Variants in ZDHHC11B observed in about 807,000 individuals in gnomAD.
The protein encoded by ZDHHC11B is zDHHC palmitoyltransferase 11B (putative).
ZDHHC11B carries 17 observed loss-of-function variants against 42.3 expected under a neutral mutation model. That is an observed-to-expected ratio of 0.40 (90% CI 0.27 to 0.60). The LOEUF (loss-of-function observed/expected upper bound fraction) is 0.60. ZDHHC11B is among the 20% of genes least tolerant of loss of function. The pLI is 0.41. For missense variants in ZDHHC11B, 262 were observed against 463.2 expected, an observed-to-expected ratio of 0.57 and a Z score of 3.99; for synonymous variants, 123 against 193.5, an observed-to-expected ratio of 0.64 and a Z score of 3.02.
intron 12 of ZDHHC11B, among the ~76,000 whole-genome samples, chr5:729,104 G>A (rs971815890): frequency 1.3e-5 from 2 of 151,420 alleles, no homozygotes; most frequent in African/African-American, 4.9e-5. Context: ...GGGGGAGACC[G>A]GGAGGCATGC....
chr5:774,557 CCTGTAACTACGGCCTGGGGT>C (rs1736311117), intron 1 of ZDHHC11B, among the ~76,000 whole-genome samples: 1 of 152,194 alleles, frequency 6.6e-6, no homozygotes, highest in Non-Finnish European at 1.5e-5. Context: ...GAGCCTGGAG[CCTGTAACTACGGCCTGGGGT>C]CTGTCACTAG....
At chr5:761,734 C>G (rs1267525869) in intron 4 of ZDHHC11B, among the ~76,000 whole-genome samples, 2 of 151,872 alleles carry the variant, frequency 1.3e-5, no homozygotes, top group Non-Finnish European at 2.9e-5. Context: ...CACTCAGGGC[C>G]TCTCAGAAAA....
intron 11 of ZDHHC11B, chr5:732,518 G>A (rs1475393942): frequency 2.7e-6 from 1 of 370,066 alleles, no homozygotes; most frequent in South Asian, 2.1e-5. Context: ...TTTCCACTGA[G>A]TGTCTCCAAA....
At chr5:728,397 A>G (rs1320986432) in intron 12 of ZDHHC11B, among the ~76,000 whole-genome samples, 13 of 151,890 alleles carry the variant, frequency 8.6e-5, no homozygotes, top group East Asian at 1.9e-4. Flanking sequence ...TATTGTCAGT[A>G]TCTGACAACC....
At chr5:717,541 A>T (rs1179139232) in intron 12 of ZDHHC11B, among the ~76,000 whole-genome samples, 2 of 151,788 alleles carry the variant, frequency 1.3e-5, no homozygotes, top group African/African-American at 4.9e-5. Flanking sequence ...GTCACTAGGG[A>T]CTTCTAAATC....
In ZDHHC11B at chr5:770,643, T is replaced by C. The variant is rs572317989; in HGVS notation, c.-229-1713A>G. On this transcript the variant is annotated intron_variant, in intron 1 of 13. Transcript: ENST00000508859. ...CGTGCGACAGCCGCTCCCTCCCCAC[T>C]GCAGAGCCTCTGACCTTAGATGGAG... is the stretch of plus-strand genomic sequence containing the variant. Among the ~76,000 whole-genome samples the C allele has an allele frequency of 4.6e-5, 7 of 152,144 alleles. 1 individual carries two copies. In the East Asian group the frequency reaches 1.2e-3, roughly 25 times the overall value.
intron 11 of ZDHHC11B, chr5:732,145 C>T (rs1743064845): frequency 6.4e-6 from 1 of 157,382 alleles, no homozygotes; most frequent in African/African-American, 2.4e-5. Flanking sequence ...AGGGCTGTGC[C>T]ACGGACTTGG....
In ZDHHC11B at chr5:778,486, C is replaced by A. The variant is rs555593780; in HGVS notation, c.-230+6182G>T. Among the ~76,000 whole-genome samples, 12 of 150,918 alleles carry A rather than the reference C, an allele frequency of 8.0e-5. No homozygotes were observed. In the East Asian group the frequency reaches 2.4e-3, roughly 30 times the overall value. ...AGCAGGTTACAGAACACTGCAGAAC[C>A]AGGGGCTGGTCCCTCATCCAGCGCA... On this transcript the variant is annotated intron_variant, in intron 1 of 13. Transcript: ENST00000508859.
chr5:756,879 C>CCCAGACTCATTCAGGGACT (rs1305856511), intron 4 of ZDHHC11B, among the ~76,000 whole-genome samples: 7 of 151,584 alleles, frequency 4.6e-5, no homozygotes, highest in African/African-American at 1.7e-4. Context: ...ATTCAGGGAC[C>CCCAGACTCATTCAGGGACT]CCAGACTCAT....
Position 749,418 on chromosome 5 carries a change from A to G in ZDHHC11B, c.629-859T>C, listed in dbSNP as rs1447267655. Among the ~76,000 whole-genome samples, 3 of 130,088 alleles carry G rather than the reference A, an allele frequency of 2.3e-5. 1 individual carries two copies. Among genetic ancestry groups the G allele is most frequent in the Non-Finnish European group, 5.1e-5 (3 of 58,448 alleles). 85.3% of individuals were successfully genotyped at this position (130,088 alleles called of 152,430 possible). On this transcript the variant is annotated intron_variant, in intron 7 of 13. Coordinates refer to ENST00000508859, the MANE Select transcript of ZDHHC11B (RefSeq NM_001351303.2). ...TGGCAGAGGGTTGGATTCAGTGTGG[A>G]TGTCTTTGGGTGACGGACCCTCTCT...
intron 12 of ZDHHC11B, among the ~76,000 whole-genome samples, chr5:717,557 A>T (rs368613476): frequency 6.6e-6 from 1 of 151,836 alleles, no homozygotes; most frequent in Non-Finnish European, 1.5e-5. Context: ...AAATCAAAAC[A>T]GCGTATCCAT....
chr5:728,681 T>C (rs1436813879), intron 12 of ZDHHC11B, among the ~76,000 whole-genome samples: 1 of 151,944 alleles, frequency 6.6e-6, no homozygotes, highest in East Asian at 1.9e-4. Context: ...TGTAATAAGG[T>C]TATAAGTTCT....
rs548771281 is a variant in ZDHHC11B at position 766,815 on chromosome 5, C to T, written c.105G>A (p.Ser35=). Residue 35 remains serine, a synonymous_variant, in exon 4 of 14, where the codon TCG becomes TCA. Transcript: ENST00000508859. ...PPRISRVNGW[S]LPLHYFRVVT... is the part of the protein sequence containing the mutation. ...CCACCCGGAAGTAGTGCAGGGGTAA[C>T]GACCAGCCGTTCACTCTGGAGATGC... 1.6e-4 allele frequency: 258 copies of T among 1,612,654 alleles called. 4 individuals are homozygous for T. The highest frequency in any genetic ancestry group is 1.5e-3 in the Admixed American group (87 of 59,932).
intron 7 of ZDHHC11B, among the ~76,000 whole-genome samples, chr5:748,775 G>A (rs1165286284): frequency 1.5e-5 from 2 of 129,822 alleles, no homozygotes; most frequent in African/African-American, 2.5e-5. Context: ...TATGGATCTG[G>A]GAGGTGACGC....
chr5:731,456 G>A lies in ZDHHC11B; in HGVS notation c.1024-988C>T, dbSNP rs1306719204. ...TATCTTATTGTGATTTTAGCTGGTGGTTCCCTGGTGGCAAATGATGTTGAG... is the reference window on the plus strand; with the variant it reads ...TATCTTATTGTGATTTTAGCTGGTGATTCCCTGGTGGCAAATGATGTTGAG... On this transcript the variant is annotated intron_variant, in intron 11 of 13. Coordinates refer to ENST00000508859, the MANE Select transcript of ZDHHC11B (RefSeq NM_001351303.2). Among the ~76,000 whole-genome samples the A allele has an allele frequency of 2.0e-5, 3 of 149,838 alleles. No homozygotes were observed. The Admixed American group carries it at 2.0e-4, about 10-fold the overall frequency.
intron 4 of ZDHHC11B, among the ~76,000 whole-genome samples, chr5:758,129 C>T (rs1734105034): frequency 6.6e-6 from 1 of 151,852 alleles, no homozygotes; most frequent in African/African-American, 2.4e-5. Flanking sequence ...GGACACTGCA[C>T]TATTTATGTG....
At chr5:764,242 C>T (rs549805804) in intron 4 of ZDHHC11B, among the ~76,000 whole-genome samples, 31 of 151,964 alleles carry the variant, frequency 2.0e-4, no homozygotes, top group Non-Finnish European at 3.1e-4. Flanking sequence ...TGGCAGCCCT[C>T]GCTCACTCTC....
In ZDHHC11B at chr5:754,366, A is replaced by T. The variant is rs1241758319; in HGVS notation, c.503+632T>A. On this transcript the variant is annotated intron_variant, in intron 6 of 13. Transcript: ENST00000508859. ...TCATCTGTGAGCCTCCACCGTGATC[A>T]GGGGAAACACCTCTCATCCTTGTGC... Among the ~76,000 whole-genome samples, 2 of 124,176 alleles carry T rather than the reference A, an allele frequency of 1.6e-5. 1 individual carries two copies. Among genetic ancestry groups the T allele is most frequent in the Non-Finnish European group, 3.5e-5 (2 of 57,062 alleles). The allele number at this position is 124,176 out of a possible 152,430, so 81.5% of individuals were successfully genotyped here.
intron 12 of ZDHHC11B, among the ~76,000 whole-genome samples, chr5:722,723 T>G (rs1322855357): frequency 6.6e-6 from 1 of 151,442 alleles, no homozygotes; most frequent in Non-Finnish European, 1.5e-5. Flanking sequence ...CACAGCTGGG[T>G]AGCAAAAAAC....
Sources: allele counts gnomAD v4.1 joint callset (sites outside exome capture counted in the v4.1 genomes callset), GRCh38; gene constraint gnomAD v4.1.1; transcripts MANE v1.5; gene names NCBI Gene and HGNC (gene_info 2026-07-23, HGNC 2026-07-21).